The following GLT6D1 variants were observed in gnomAD, a reference collection of about 807,000 sequenced individuals.
The protein encoded by GLT6D1 is glycosyltransferase 6 domain containing 1.
Under a neutral mutation model 12.3 loss-of-function variants are expected in GLT6D1, and 9 were observed. The observed-to-expected ratio is 0.73, with a 90% CI of 0.44 to 1.27. The LOEUF is 1.27. GLT6D1 is among the 50% of genes most tolerant of loss of function. The pLI, the probability that GLT6D1 is intolerant of heterozygous loss-of-function variation, is 0.00. For synonymous variants in GLT6D1, 128 were observed against 132.3 expected, an observed-to-expected ratio of 0.97 and a Z score of 0.23; for missense variants, 335 against 346.2, an observed-to-expected ratio of 0.97 and a Z score of 0.26.
Position 135,639,146 on chromosome 9 carries a change from A to G in GLT6D1, c.42T>C (p.Phe14=). The change falls in exon 2 of 5, where the codon TTT becomes TTC. Residue 14 remains phenylalanine, a synonymous_variant. Coordinates refer to ENST00000371763, the MANE Select transcript of GLT6D1 (RefSeq NM_182974.3). ...AATAACGCTCAACCAACATCAGTGA[A>G]AAAGCAAATAAAACCAATAACAGCA... ...KRMLLLVLFA[F]SLMLVERYFR... 6.3e-7 allele frequency: 1 copy of G among 1,589,198 alleles called. No individual in the cohort carries two copies. Among genetic ancestry groups the G allele is most frequent in the Non-Finnish European group, 8.6e-7 (1 of 1,157,882 alleles).
At chr9:135,633,568 C>A (rs916558850) in intron 2 of GLT6D1, among the ~76,000 whole-genome samples, 2 of 152,106 alleles carry the variant, frequency 1.3e-5, no homozygotes, top group African/African-American at 2.4e-5. Context: ...GATTCCTTTT[C>A]TATAGAGGAG....
intron 3 of GLT6D1, among the ~76,000 whole-genome samples, chr9:135,630,163 T>C (rs931761217): frequency 6.6e-6 from 1 of 152,074 alleles, no homozygotes; most frequent in Admixed American, 6.5e-5. Context: ...CCCAGCACTT[T>C]GGGAGGCTAA....
chr9:135,633,993 A>G (rs1833709096), intron 2 of GLT6D1, among the ~76,000 whole-genome samples: 1 of 152,176 alleles, frequency 6.6e-6, no homozygotes, highest in African/African-American at 2.4e-5. Flanking sequence ...CTTTCTGCTG[A>G]AGATTACTCC....
intron 2 of GLT6D1, among the ~76,000 whole-genome samples, chr9:135,631,891 A>G (rs903181131): frequency 4.6e-5 from 7 of 152,112 alleles, no homozygotes; most frequent in Admixed American, 2.0e-4. Flanking sequence ...TTCTGTTTGC[A>G]TTTATTTTAT....
In GLT6D1 at chr9:135,624,341, G is replaced by C. The variant is rs370793093; in HGVS notation, c.587C>G (p.Ala196Gly). 3.1e-6 allele frequency: 5 copies of C among 1,613,192 alleles called. No homozygotes were observed. Among genetic ancestry groups the C allele is most frequent in the South Asian group, 1.1e-5 (1 of 90,980 alleles). The part of the protein sequence containing the change: ...TLGPLVAQLH[A>G]WWYFRNTKNF... ...CTTGGTGTTTCTGAAATACCACCAG[G>C]CGTGGAGCTGGGCCACCAACGGGCC... The change falls in exon 5 of 5, where the codon GCC becomes GGC. Residue 196 changes from alanine (A) to glycine (G), a missense_variant. Physicochemically the swap from Ala to Gly is moderately conservative, Grantham distance 60 (BLOSUM62 0). Transcript: ENST00000371763.
chr9:135,624,696 A>G, intron 4 of GLT6D1, 26 bp from the exon 5 acceptor site: 1 of 1,301,820 alleles, frequency 7.7e-7, no homozygotes, highest in Non-Finnish European at 1.0e-6. Context: ...TGGGGAAGAA[A>G]CTTACTTTTC....
chr9:135,637,851 C>T (rs1833810449), intron 2 of GLT6D1, among the ~76,000 whole-genome samples: 1 of 152,246 alleles, frequency 6.6e-6, no homozygotes, highest in Non-Finnish European at 1.5e-5. Context: ...TTGTGCAAAG[C>T]TTTCATTTTT....
At position 135,624,356 on chromosome 9, in the gene GLT6D1, A is replaced by C. The variant is rs529097698; in HGVS notation, c.572T>G (p.Val191Gly). ...ATACCACCAGGCGTGGAGCTGGGCCACCAACGGGCCCAGGGTCTCCACCCC... is the reference window on the plus strand; with the variant it reads ...ATACCACCAGGCGTGGAGCTGGGCCCCCAACGGGCCCAGGGTCTCCACCCC... ...EFGVETLGPL[V>G]AQLHAWWYFR... The change falls in exon 5 of 5, where the codon GTG (valine) becomes GGG (glycine). Residue 191 changes from valine (V) to glycine (G), a missense_variant. Val to Gly is a moderately radical substitution (Grantham distance 109). Coordinates refer to ENST00000371763, the MANE Select transcript of GLT6D1 (RefSeq NM_182974.3). 22 of 1,613,968 alleles carry C rather than the reference A, an allele frequency of 1.4e-5. No individual in the cohort carries two copies. In the African/African-American group the frequency reaches 2.9e-4, roughly 22 times the overall value.
Position 135,623,863 on chromosome 9 carries a change from T to C in GLT6D1, c.*234A>G. 2.2e-6 allele frequency: 1 copy of C among 463,204 alleles called. No individual in the cohort carries two copies. The highest frequency in any genetic ancestry group is 3.8e-6 in the Non-Finnish European group (1 of 262,636). The allele number at this position is 463,204 out of a possible 1,614,324, so 28.7% of individuals were successfully genotyped here. A position where few individuals can be genotyped will look rare whatever the true frequency, so the allele number is the denominator to read the frequency against. On this transcript the variant is annotated 3_prime_UTR_variant, in exon 5 of 5. Transcript: ENST00000371763. The stretch of plus-strand genomic sequence containing the variant: ...TCCTACATTAGCCAAATAAGATGGC[T>C]CAAAATGGCAAGAAGAAACATTTAT...
intron 2 of GLT6D1, among the ~76,000 whole-genome samples, chr9:135,635,607 G>A (rs922749676): frequency 4.6e-5 from 7 of 152,146 alleles, no homozygotes; most frequent in African/African-American, 1.4e-4. Context: ...TAGAAACCAC[G>A]ATCTGCTGCT....
At chr9:135,631,242 A>G (rs1833639437) in intron 3 of GLT6D1, among the ~76,000 whole-genome samples, 189 bp downstream of exon 3, 1 of 152,238 alleles carries the variant, frequency 6.6e-6, no homozygotes, top group Admixed American at 6.5e-5. Context: ...CTGCTTCTTC[A>G]TGACCACAAT....
chr9:135,626,082 A>G lies in GLT6D1; in HGVS notation c.244T>C (p.Phe82Leu). 6.2e-7 allele frequency: 1 copy of G among 1,614,090 alleles called. No homozygotes were observed. Among genetic ancestry groups the G allele is most frequent in the Non-Finnish European group, 8.5e-7 (1 of 1,179,972 alleles). The change falls in exon 4 of 5, where the codon TTT becomes CTT. Residue 82 changes from phenylalanine to leucine, a missense_variant. By Grantham distance (22) the Phe-to-Leu change is conservative. Transcript: ENST00000371763. ...AGTGGCACCTACCTGCCAGTAGCAA[A>G]GACGGCCAGGCCCACAGTGATATTC... ...RRNITVGLAV[F>L]ATGRFAEEYL...
intron 2 of GLT6D1, among the ~76,000 whole-genome samples, chr9:135,632,858 T>G (rs1344347791): frequency 6.6e-6 from 1 of 152,072 alleles, no homozygotes; most frequent in Non-Finnish European, 1.5e-5. Context: ...AGTAGAGATG[T>G]GGTTTCACAA....
rs539550740 is a variant in GLT6D1 at position 135,629,592 on chromosome 9, T to C, written c.119+1839A>G. Among the ~76,000 whole-genome samples the C allele has an allele frequency of 2.6e-5, 4 of 152,316 alleles. No homozygotes were observed. The East Asian group carries it at 7.7e-4, about 29-fold the overall frequency. On this transcript the variant is annotated intron_variant, in intron 3 of 4. Coordinates refer to ENST00000371763, the MANE Select transcript of GLT6D1 (RefSeq NM_182974.3). ...GAGTATTCTTCTCTTGTTAGGTGGT[T>C]CTATAGATGTTTGTGAGGCCTCGTT... is the stretch of plus-strand genomic sequence containing the variant.
At chr9:135,635,841 C>T (rs905990379) in intron 2 of GLT6D1, among the ~76,000 whole-genome samples, 1 of 152,222 alleles carries the variant, frequency 6.6e-6, no homozygotes, top group African/African-American at 2.4e-5. Flanking sequence ...TCCATTCCCA[C>T]GTGGATCACT....
At chr9:135,639,804 T>A (rs1474850885), upstream of GLT6D1, among the ~76,000 whole-genome samples, 1 of 151,636 alleles carries the variant, frequency 6.6e-6, no homozygotes, top group African/African-American at 2.4e-5. Flanking sequence ...GCGCTGTGTG[T>A]CCACACAAAA....
Position 135,626,158 on chromosome 9 carries a change from T to C in GLT6D1, c.168A>G (p.Leu56=), listed in dbSNP as rs374189067. The change falls in exon 4 of 5, where the codon CTA becomes CTG. Residue 56 remains leucine, a synonymous_variant. Transcript: ENST00000371763. The part of the protein sequence containing the change: ...ITKTDWLAPV[L]WEGTFDRRVL... Reference sequence around the variant, plus strand: ...CCCGCCTGTCGAAAGTCCCTTCCCATAGGACAGGAGCGAGCCAGTCTGTTT... The same window carrying C: ...CCCGCCTGTCGAAAGTCCCTTCCCACAGGACAGGAGCGAGCCAGTCTGTTT... 3.7e-6 allele frequency: 6 copies of C among 1,613,798 alleles called. No homozygotes were observed. Among genetic ancestry groups the C allele is most frequent in the Non-Finnish European group, 3.4e-6 (4 of 1,179,968 alleles).
rs922597738 is a variant in GLT6D1 at position 135,630,222 on chromosome 9, G to A, written c.119+1209C>T. ...AGATCGAGACCATCCTGGCTAATAC[G>A]GTGAAACCCTGTCTCTACTAAAAAT... On this transcript the variant is annotated intron_variant, in intron 3 of 4. Coordinates refer to ENST00000371763, the MANE Select transcript of GLT6D1 (RefSeq NM_182974.3). Among the ~76,000 whole-genome samples, 12 of 151,928 alleles carry A rather than the reference G, an allele frequency of 7.9e-5. No homozygotes were observed. The East Asian group carries it at 9.7e-4, about 12-fold the overall frequency.
At chr9:135,638,930 G>C (rs186637298) in intron 2 of GLT6D1, among the ~76,000 whole-genome samples, 187 bp downstream of exon 2, 119 of 152,252 alleles carry the variant, frequency 7.8e-4, no homozygotes, top group Non-Finnish European at 1.6e-3. Context: ...TACTCAGGAG[G>C]CTGAGGTGGG....
Sources: gnomAD v4.1 joint callset for allele counts (sites outside exome capture counted in the v4.1 genomes callset) on GRCh38, gnomAD v4.1.1 for gene constraint, MANE v1.5 for transcripts, NCBI Gene and HGNC (gene_info 2026-07-23, HGNC 2026-07-21) for gene names.